PSD3: variants seen among roughly 807,000 people sequenced by gnomAD.
The protein encoded by PSD3 is PH and SEC7 domain-containing protein 3.
A neutral mutation model predicts 105.5 loss-of-function variants in PSD3; 49 were observed. That is an observed-to-expected ratio of 0.46 (90% CI 0.37 to 0.59). The LOEUF is 0.59. Ranked by LOEUF, PSD3 falls within the 20% of genes least tolerant of loss-of-function variation. The pLI is 0.00. For missense variants in PSD3, 1,561 were observed against 1,263.8 expected, an observed-to-expected ratio of 1.24 and a Z score of -3.57; for synonymous variants, 557 against 457.8, an observed-to-expected ratio of 1.22 and a Z score of -2.77.
At chr8:18,929,937 A>G (rs1194566802) in intron 2 of PSD3, among the ~76,000 whole-genome samples, 1 of 152,234 alleles carries the variant, frequency 6.6e-6, no homozygotes. Flanking sequence ...AACTATAAAT[A>G]AAACTATAAA....
At position 18,529,944 on chromosome 8, in the gene PSD3, T is replaced by C. The variant is rs1037630386; in HGVS notation, c.*5799A>G. The stretch of plus-strand genomic sequence containing the variant: ...CAAGAACCAATTAGGAAAAATGATA[T>C]ATTTGCAAAAATAGTTTGAGACTAT... On this transcript the variant is annotated 3_prime_UTR_variant, in exon 16 of 16. Coordinates refer to ENST00000327040, the MANE Select transcript of PSD3 (RefSeq NM_015310.4). 3.2e-4 allele frequency: 48 copies of C among 152,258 alleles called. No individual in the cohort carries two copies. Among genetic ancestry groups the C allele is most frequent in the African/African-American group, 1.1e-3 (46 of 41,432 alleles). 9.4% of individuals were successfully genotyped at this position (152,258 alleles called of 1,614,324 possible). A position where few individuals can be genotyped will look rare whatever the true frequency, so the allele number is the denominator to read the frequency against.
At position 18,656,761 on chromosome 8, in the gene PSD3, T is replaced by C. The variant is rs545000418; in HGVS notation, c.2173-1076A>G. 1.6e-3 allele frequency among the ~76,000 whole-genome samples: 245 copies of C among 152,142 alleles called. 1 individual carries two copies. Among genetic ancestry groups the C allele is most frequent in the African/African-American group, 5.6e-3 (233 of 41,502 alleles). The stretch of plus-strand genomic sequence containing the variant: ...TCTTGCTGTGTTTCCCAGGCTGCAG[T>C]GCAGCGACTATTCATGACCATGATA... On this transcript the variant is annotated intron_variant, in intron 9 of 15. Transcript: ENST00000327040.
chr8:18,682,069 A>T (rs1007041471), intron 9 of PSD3, among the ~76,000 whole-genome samples: 4 of 152,062 alleles, frequency 2.6e-5, no homozygotes, highest in African/African-American at 4.8e-5. Flanking sequence ...AAGTACCTGT[A>T]CTGTGTGACA....
chr8:18,641,163 A>C (rs772726935), intron 10 of PSD3, among the ~76,000 whole-genome samples: 1 of 152,220 alleles, frequency 6.6e-6, no homozygotes, highest in Non-Finnish European at 1.5e-5. Flanking sequence ...CAGGTCCCAA[A>C]GTCCACCTTG....
chr8:19,033,918 T>C (rs1240785394), intron 1 of PSD3, among the ~76,000 whole-genome samples: 2 of 152,130 alleles, frequency 1.3e-5, no homozygotes, highest in Non-Finnish European at 2.9e-5. Context: ...TAAATCTAGA[T>C]TGGTTCATTG....
At chr8:18,729,710 C>G (rs997743903) in intron 9 of PSD3, among the ~76,000 whole-genome samples, 1 of 152,164 alleles carries the variant, frequency 6.6e-6, no homozygotes, top group African/African-American at 2.4e-5. Flanking sequence ...ATAGCTTGCA[C>G]TCTCTCTGGG....
intron 2 of PSD3, among the ~76,000 whole-genome samples, chr8:18,926,575 C>A (rs1035457884): frequency 3.9e-5 from 6 of 152,024 alleles, no homozygotes; most frequent in Non-Finnish European, 7.4e-5. Flanking sequence ...CAATGAGATA[C>A]TACTTCATAT....
At chr8:18,736,970 G>A (rs895122766) in intron 9 of PSD3, among the ~76,000 whole-genome samples, 1 of 152,140 alleles carries the variant, frequency 6.6e-6, no homozygotes, top group African/African-American at 2.4e-5. Flanking sequence ...CTGAGTGTGA[G>A]CCTGGACTAG....
At chr8:18,787,747 A>G (rs1367936876) in intron 8 of PSD3, among the ~76,000 whole-genome samples, 3 of 152,140 alleles carry the variant, frequency 2.0e-5, no homozygotes, top group Non-Finnish European at 2.9e-5. Context: ...TTAAAGATAC[A>G]TTAAATGCCC....
intron 9 of PSD3, among the ~76,000 whole-genome samples, chr8:18,755,356 G>T (rs1460612989): frequency 6.6e-6 from 1 of 152,052 alleles, no homozygotes. Flanking sequence ...CCTGAACCTA[G>T]GAGGTAGAGG....
chr8:18,855,635 A>T (rs1317646618), intron 4 of PSD3, among the ~76,000 whole-genome samples: 1 of 152,230 alleles, frequency 6.6e-6, no homozygotes, highest in Non-Finnish European at 1.5e-5. Context: ...GAAAGAACTC[A>T]GACACAATGG....
chr8:18,844,266 T>G (rs1306856715), intron 4 of PSD3, among the ~76,000 whole-genome samples: 1 of 152,200 alleles, frequency 6.6e-6, no homozygotes, highest in East Asian at 1.9e-4. Context: ...CCCTTCTCCC[T>G]TGGGTCCCCT....
intron 3 of PSD3, among the ~76,000 whole-genome samples, chr8:18,871,092 C>T (rs894474620): frequency 2.6e-5 from 4 of 152,178 alleles, no homozygotes; most frequent in Non-Finnish European, 5.9e-5. Context: ...GAACAAGACC[C>T]TGTCTCTGTA....
At chr8:18,655,779 T>C (rs1033645545) in intron 9 of PSD3, 94 bp from the exon 10 acceptor site, 7 of 1,220,570 alleles carry the variant, frequency 5.7e-6, no homozygotes, top group East Asian at 4.7e-5. Flanking sequence ...CATAAAAGGA[T>C]AGGCACGAAG....
At chr8:18,926,108 T>C (rs1395047857) in intron 2 of PSD3, among the ~76,000 whole-genome samples, 6 of 141,400 alleles carry the variant, frequency 4.2e-5, no homozygotes, top group Admixed American at 7.1e-5. Flanking sequence ...ATTAATGGTA[T>C]GTTGTTTTTT....
intron 1 of PSD3, among the ~76,000 whole-genome samples, chr8:19,059,700 C>T (rs779578061): frequency 6.6e-6 from 1 of 152,158 alleles, no homozygotes; most frequent in Non-Finnish European, 1.5e-5. Context: ...ATCATTCCCA[C>T]AAGAAAAAGA....
rs370720200 is a variant in PSD3 at position 18,715,595 on chromosome 8, C to T, written c.2172+49854G>A. ...ATTTTGTCTCTGGAGCTAAATAAAACATAATTTTTAAAAAAGCAAAATCGC... is the reference window on the plus strand; with the variant it reads ...ATTTTGTCTCTGGAGCTAAATAAAATATAATTTTTAAAAAAGCAAAATCGC... On this transcript the variant is annotated intron_variant, in intron 9 of 15. Transcript: ENST00000327040. 4.6e-5 allele frequency among the ~76,000 whole-genome samples: 7 copies of T among 152,218 alleles called. No homozygotes were observed. The East Asian group carries it at 9.6e-4, about 21-fold the overall frequency.
intron 4 of PSD3, among the ~76,000 whole-genome samples, chr8:18,844,512 T>C (rs1459346498): frequency 1.5e-4 from 23 of 152,160 alleles, no homozygotes; most frequent in Admixed American, 1.5e-3. Context: ...GTCTACTATA[T>C]TTATAGCTCT....
At chr8:18,966,600 T>A (rs546227939) in intron 1 of PSD3, among the ~76,000 whole-genome samples, 285 of 141,778 alleles carry the variant, frequency 2.0e-3, no homozygotes, top group Middle Eastern at 3.8e-3. Flanking sequence ...AAAACACAAA[T>A]AGAGTCATTT....
Sources: allele counts gnomAD v4.1 joint callset (sites outside exome capture counted in the v4.1 genomes callset), GRCh38; gene constraint gnomAD v4.1.1; transcripts MANE v1.5; gene names NCBI Gene and HGNC (gene_info 2026-07-23, HGNC 2026-07-21).